HLF: variants seen among roughly 807,000 people sequenced by gnomAD.
HLF encodes HLF transcription factor, PAR bZIP family member, also known as hepatic leukemia factor.
In HLF, 3 loss-of-function variants were observed where a neutral mutation model predicts 22.6. That is an observed-to-expected ratio of 0.13 (90% confidence interval 0.06 to 0.34). The LOEUF is 0.34. Ranked by LOEUF, HLF falls within the 10% of genes least tolerant of loss-of-function variation. The pLI is 1.00. For missense variants in HLF, 299 were observed against 389.2 expected, an observed-to-expected ratio of 0.77 and a Z score of 1.95; for synonymous variants, 151 against 151.8, an observed-to-expected ratio of 0.99 and a Z score of 0.04.
rs889219672 is a variant in HLF, at chr17:55,324,154, A to G, written c.*3275A>G. 4.9e-5 allele frequency: 11 copies of G among 224,820 alleles called. No homozygotes were observed. The East Asian group carries it at 6.4e-4, about 13-fold the overall frequency. 13.9% of individuals were successfully genotyped at this position (224,820 alleles called of 1,614,324 possible). A position where few individuals can be genotyped will look rare whatever the true frequency, so the allele number is the denominator to read the frequency against. ...GATAGGCCTTTTGTCTTCAAATACAACAGGCCTCCACTGACCCATCCCTCA... is the reference window on the plus strand; with the variant it reads ...GATAGGCCTTTTGTCTTCAAATACAGCAGGCCTCCACTGACCCATCCCTCA... On this transcript the variant is annotated 3_prime_UTR_variant, in exon 4 of 4. Transcript: ENST00000226067.
chr17:55,271,031 C>T (rs1336997520), intron 2 of HLF, among the ~76,000 whole-genome samples: 2 of 152,164 alleles, frequency 1.3e-5, no homozygotes, highest in East Asian at 1.9e-4. Flanking sequence ...CCCAGTGCCC[C>T]AGATGTGACA....
chr17:55,285,893 C>G (rs1332064658), intron 2 of HLF, among the ~76,000 whole-genome samples: 3 of 152,148 alleles, frequency 2.0e-5, no homozygotes, highest in Non-Finnish European at 4.4e-5. Flanking sequence ...TTGCGCCTGT[C>G]TTCATCTTCT....
At chr17:55,277,414 A>G (rs2080915358) in intron 2 of HLF, among the ~76,000 whole-genome samples, 3 of 152,166 alleles carry the variant, frequency 2.0e-5, no homozygotes, top group African/African-American at 7.2e-5. Context: ...TACTTAGCCA[A>G]GTTTCTGGCT....
intron 2 of HLF, among the ~76,000 whole-genome samples, chr17:55,290,103 C>T (rs884301): frequency 0.43 from 64,798 of 151,734 alleles, 14,387 homozygotes; most frequent in East Asian, 0.77. Context: ...AAAATGAAAA[C>T]CAGACAAATA....
intron 2 of HLF, among the ~76,000 whole-genome samples, chr17:55,276,155 G>A (rs948708874): frequency 9.8e-5 from 15 of 152,314 alleles, no homozygotes; most frequent in Middle Eastern, 3.4e-3. Flanking sequence ...TTTAGGAGGC[G>A]AAGAGCAAGG....
chr17:55,285,953 C>G (rs1383964780), intron 2 of HLF, among the ~76,000 whole-genome samples: 1 of 152,184 alleles, frequency 6.6e-6, no homozygotes, highest in Non-Finnish European at 1.5e-5. Context: ...GCAGTGATGC[C>G]TGAGAGAAGC....
chr17:55,293,475 G>A (rs1160318208), intron 2 of HLF, among the ~76,000 whole-genome samples: 3 of 152,118 alleles, frequency 2.0e-5, no homozygotes, highest in African/African-American at 4.8e-5. Context: ...CCTATCAAAC[G>A]GATGGGTAGA....
intron 2 of HLF, among the ~76,000 whole-genome samples, chr17:55,313,633 A>G (rs1423412313): frequency 1.3e-5 from 2 of 152,098 alleles, no homozygotes; most frequent in African/African-American, 4.8e-5. Context: ...GGAAAATAAA[A>G]TCCCCATTTG....
intron 2 of HLF, among the ~76,000 whole-genome samples, chr17:55,277,887 G>T (rs370902988): frequency 1.8e-4 from 28 of 152,330 alleles, no homozygotes; most frequent in African/African-American, 6.7e-4. Flanking sequence ...AAATTGGCTT[G>T]TGGTGGGTAC....
intron 2 of HLF, among the ~76,000 whole-genome samples, chr17:55,278,551 G>A (rs1010734537): frequency 2.1e-5 from 3 of 145,348 alleles, no homozygotes; most frequent in African/African-American, 7.7e-5. Context: ...GCGAAGGTTT[G>A]TTTGGGGGAA....
rs761523454 is a variant in HLF at position 55,315,314 on chromosome 17, C to G, written c.539C>G (p.Ala180Gly). The G allele has an allele frequency of 6.2e-7, 1 of 1,614,158 alleles. No homozygotes were observed. The highest frequency in any genetic ancestry group is 1.1e-5 in the South Asian group (1 of 91,082). Reference protein sequence around the residue: ...QVPVGYEPDPADLALSSIPGQ... With the variant: ...QVPVGYEPDPGDLALSSIPGQ... ...CCAGTGGGTTATGAGCCAGACCCAG[C>G]AGATCTTGCCCTTTCCAGCATCCCT... Residue 180 changes from alanine (A) to glycine (G), a missense_variant, in exon 3 of 4, where the codon GCA becomes GGA. This residue lies in a region of HLF where 224 missense variants were observed against 298.1 expected (regional missense o/e 0.75). Coordinates refer to ENST00000226067, the MANE Select transcript of HLF (RefSeq NM_002126.5).
In HLF at chr17:55,322,820, G is replaced by A. The variant is rs1326467757; in HGVS notation, c.*1941G>A. 4 of 228,390 alleles carry A rather than the reference G, an allele frequency of 1.8e-5. No homozygotes were observed. The highest frequency in any genetic ancestry group is 5.7e-5 in the Admixed American group (1 of 17,572). 14.1% of individuals were successfully genotyped at this position (228,390 alleles called of 1,614,324 possible). On this transcript the variant is annotated 3_prime_UTR_variant, in exon 4 of 4. Coordinates refer to ENST00000226067, the MANE Select transcript of HLF (RefSeq NM_002126.5). ...TCTTTTCTACCCTGCGGGCCCGCAC[G>A]TTTTATGAGGTTGATATCGGTGCTA...
At chr17:55,309,966 G>T (rs956973482) in intron 2 of HLF, among the ~76,000 whole-genome samples, 1 of 152,244 alleles carries the variant, frequency 6.6e-6, no homozygotes, top group African/African-American at 2.4e-5. Flanking sequence ...ATTGATGGCT[G>T]CTTGCTAATG....
chr17:55,276,080 C>T (rs2145306476), intron 2 of HLF, among the ~76,000 whole-genome samples: 1 of 152,258 alleles, frequency 6.6e-6, no homozygotes, highest in South Asian at 2.1e-4. Context: ...TACACTCCAG[C>T]CTGGGTAACA....
intron 2 of HLF, among the ~76,000 whole-genome samples, chr17:55,313,094 T>C (rs1470554358): frequency 6.6e-6 from 1 of 152,194 alleles, no homozygotes; most frequent in East Asian, 1.9e-4. Context: ...GTTTCTCCAC[T>C]CTGCAGGTAG....
chr17:55,287,074 CAG>C (rs559149532), intron 2 of HLF, among the ~76,000 whole-genome samples: 72 of 152,252 alleles, frequency 4.7e-4, no homozygotes, highest in African/African-American at 1.3e-3. Context: ...TTAGCTCAAT[CAG>C]GGGGGAGGCA....
chr17:55,278,264 G>A (rs2080924420), intron 2 of HLF, among the ~76,000 whole-genome samples: 1 of 152,220 alleles, frequency 6.6e-6, no homozygotes, highest in African/African-American at 2.4e-5. Context: ...TAAATCATCT[G>A]TGACAAAATG....
chr17:55,308,008 C>T lies in HLF; in HGVS notation c.452-7219C>T, dbSNP rs1220823175. Reference sequence around the variant, plus strand: ...GTAGAGAGGAAACTAAATACAAAGGCCTGGGTGGGATCACATTCAGGGGAC... The same window carrying T: ...GTAGAGAGGAAACTAAATACAAAGGTCTGGGTGGGATCACATTCAGGGGAC... On this transcript the variant is annotated intron_variant, in intron 2 of 3. Transcript: ENST00000226067. 2.6e-5 allele frequency among the ~76,000 whole-genome samples: 4 copies of T among 152,082 alleles called. No homozygotes were observed. The East Asian group carries it at 7.7e-4, about 29-fold the overall frequency.
chr17:55,276,642 T>A (rs2080906787), intron 2 of HLF, among the ~76,000 whole-genome samples: 1 of 152,058 alleles, frequency 6.6e-6, no homozygotes, highest in African/African-American at 2.4e-5. Flanking sequence ...AGGGTGTAGA[T>A]CCAATTTGGC....
Sources: gnomAD v4.1 joint callset for allele counts (sites outside exome capture counted in the v4.1 genomes callset) on GRCh38, gnomAD v4.1.1 for gene constraint, gnomAD v4.1.1 regional missense constraint, MANE v1.5 for transcripts, NCBI Gene and HGNC (gene_info 2026-07-23, HGNC 2026-07-21) for gene names.